Variants in STK3 observed in about 807,000 individuals in gnomAD.
STK3 encodes the protein serine/threonine kinase 3.
Under a neutral mutation model 58.0 loss-of-function variants are expected in STK3, and 41 were observed. That is an observed-to-expected ratio of 0.71 (90% CI 0.55 to 0.92). The LOEUF is 0.92. STK3 is among the 40% of genes least tolerant of loss of function. STK3 has a pLI of 0.00. For missense variants in STK3, 479 were observed against 602.7 expected, an observed-to-expected ratio of 0.79 and a Z score of 2.15; for synonymous variants, 170 against 191.0, an observed-to-expected ratio of 0.89 and a Z score of 0.91.
At chr8:98,494,009 A>T (rs572120060) in intron 10 of STK3, among the ~76,000 whole-genome samples, 1 of 152,188 alleles carries the variant, frequency 6.6e-6, no homozygotes, top group African/African-American at 2.4e-5. Context: ...TCTCATTTGG[A>T]CTATGTCATA....
intron 3 of STK3, chr8:98,431,025 T>C (rs990869937): frequency 6.0e-6 from 1 of 167,098 alleles, no homozygotes; most frequent in African/African-American, 2.4e-5. Context: ...TGGCTTTCAT[T>C]ATTGTTCCAT....
chr8:98,916,840 AAAAAC>A (rs544805458), intron 1 of STK3, among the ~76,000 whole-genome samples: 12 of 152,210 alleles, frequency 7.9e-5, no homozygotes, highest in Admixed American at 3.9e-4. Flanking sequence ...CAAAGTAATT[AAAAAC>A]AAAACAAAAC....
At chr8:98,593,651 G>A (rs181282798) in intron 7 of STK3, among the ~76,000 whole-genome samples, 3 of 152,170 alleles carry the variant, frequency 2.0e-5, no homozygotes, top group African/African-American at 7.2e-5. Context: ...CTCCTTATGA[G>A]AATCTAACTA....
chr8:98,930,916 A>G (rs1157861522), intron 1 of STK3, among the ~76,000 whole-genome samples: 2 of 152,238 alleles, frequency 1.3e-5, no homozygotes, highest in Non-Finnish European at 2.9e-5. Flanking sequence ...AGGCCTGCAC[A>G]GCGCCTGAAG....
the STK3 span, among the ~76,000 whole-genome samples, chr8:98,349,029 T>A: frequency 6.6e-6 from 1 of 152,236 alleles, no homozygotes; most frequent in Admixed American, 6.5e-5. Flanking sequence ...GGTGAATGGA[T>A]AAATAAATGG....
At chr8:98,414,178 T>C (rs1435291468) in intron 3 of STK3, among the ~76,000 whole-genome samples, 4 of 152,102 alleles carry the variant, frequency 2.6e-5, no homozygotes, top group Admixed American at 2.6e-4. Context: ...GTGGGAGAAT[T>C]GCTTGAACCT....
At chr8:98,651,682 T>A (rs1206877914) in intron 6 of STK3, 3 of 152,160 alleles carry the variant, frequency 2.0e-5, no homozygotes, top group Admixed American at 6.5e-5. Context: ...GCTCGAGAAC[T>A]ACGTGAAGAA....
chr8:98,821,661 CAAA>C (rs769163769), intron 1 of STK3, among the ~76,000 whole-genome samples: 2 of 94,662 alleles, frequency 2.1e-5, no homozygotes, highest in Non-Finnish European at 2.2e-5. Flanking sequence ...GACCCAATCT[CAAA>C]AAAAAAAAAA....
At chr8:98,802,488 G>A in intron 1 of STK3, among the ~76,000 whole-genome samples, 1 of 152,090 alleles carries the variant, frequency 6.6e-6, no homozygotes, top group South Asian at 2.1e-4. Context: ...TGTAAGATTG[G>A]CCAAGGAATT....
At position 98,740,012 on chromosome 8, in the gene STK3, A is replaced by G. The variant is rs996642913; in HGVS notation, c.351+9264T>C. 3.7e-4 allele frequency among the ~76,000 whole-genome samples: 57 copies of G among 152,280 alleles called. No homozygotes were observed. In the South Asian group the frequency reaches 3.9e-3, roughly 11 times the overall value. Reference sequence around the variant, plus strand: ...GGGTATCAGTGATGGAAGACGAAATAAATGAAATGAAGCGAGAAGGGAAGT... The same window carrying G: ...GGGTATCAGTGATGGAAGACGAAATGAATGAAATGAAGCGAGAAGGGAAGT... On this transcript the variant is annotated intron_variant, in intron 4 of 10. Transcript: ENST00000419617.
chr8:98,557,661 C>T (rs1317289991), intron 8 of STK3, among the ~76,000 whole-genome samples: 1 of 152,072 alleles, frequency 6.6e-6, no homozygotes, highest in African/African-American at 2.4e-5. Context: ...CTAAGATTTA[C>T]AGTATCTGAA....
Position 98,706,407 on chromosome 8 carries a change from A to G in STK3, c.684+60T>C, listed in dbSNP as rs561676802. On this transcript the variant is annotated intron_variant, in intron 6 of 10. Coordinates refer to ENST00000419617, the MANE Select transcript of STK3 (RefSeq NM_006281.4). Reference sequence around the variant, plus strand: ...TTAGTTTATATTTACTTACATTGACATTACAAAACGGCAACACTTATATAA... The same window carrying G: ...TTAGTTTATATTTACTTACATTGACGTTACAAAACGGCAACACTTATATAA... The G allele has an allele frequency of 4.8e-6, 7 of 1,461,274 alleles. No individual in the cohort carries two copies. In the East Asian group the frequency reaches 1.2e-4, roughly 25 times the overall value. 90.5% of individuals were successfully genotyped at this position (1,461,274 alleles called of 1,614,324 possible).
intron 10 of STK3, among the ~76,000 whole-genome samples, chr8:98,495,474 T>C (rs1366114443): frequency 2.0e-5 from 3 of 152,180 alleles, no homozygotes; most frequent in Non-Finnish European, 4.4e-5. Flanking sequence ...ATGTGCACTG[T>C]TCATCTGGAG....
intron 10 of STK3, among the ~76,000 whole-genome samples, chr8:98,457,295 T>C (rs1819569724): frequency 6.6e-6 from 1 of 152,234 alleles, no homozygotes; most frequent in Non-Finnish European, 1.5e-5. Flanking sequence ...TTCAAATCAC[T>C]GTGGAGATAC....
intron 2 of STK3, among the ~76,000 whole-genome samples, chr8:98,435,681 C>A (rs2131083694): frequency 6.6e-6 from 1 of 152,090 alleles, no homozygotes; most frequent in Middle Eastern, 3.4e-3. Flanking sequence ...GGGTTTCTGG[C>A]TGGGTTGGTG....
intron 10 of STK3, among the ~76,000 whole-genome samples, chr8:98,461,795 G>A (rs73273984): frequency 0.014 from 2,137 of 152,258 alleles, 49 homozygotes; most frequent in African/African-American, 0.049. Flanking sequence ...GTTTAAGGAG[G>A]TTAAAGATAG....
intron 10 of STK3, among the ~76,000 whole-genome samples, chr8:98,490,137 G>C (rs1187166354): frequency 1.3e-5 from 2 of 152,088 alleles, no homozygotes; most frequent in Admixed American, 1.3e-4. Context: ...CTTAGTTACA[G>C]ATCTTTTATT....
intron 7 of STK3, among the ~76,000 whole-genome samples, chr8:98,588,233 G>T (rs1465568644): frequency 5.9e-5 from 9 of 152,066 alleles, no homozygotes; most frequent in Non-Finnish European, 1.0e-4. Context: ...GCAGCGGCTG[G>T]TGCCGGTTGT....
intron 3 of STK3, among the ~76,000 whole-genome samples, chr8:98,425,973 G>A (rs928516734): frequency 2.0e-5 from 3 of 152,126 alleles, no homozygotes; most frequent in African/African-American, 7.2e-5. Context: ...CAAAGGGAGG[G>A]GGCTCCCCAG....
Sources: allele counts gnomAD v4.1 joint callset (sites outside exome capture counted in the v4.1 genomes callset), GRCh38; gene constraint gnomAD v4.1.1; transcripts MANE v1.5; gene names NCBI Gene and HGNC (gene_info 2026-07-23, HGNC 2026-07-21).